TRPC6: variants seen among roughly 807,000 people sequenced by gnomAD.
TRPC6 encodes transient receptor potential cation channel subfamily C member 6.
A neutral mutation model predicts 90.7 loss-of-function variants in TRPC6; 55 were observed. The observed-to-expected ratio is 0.61, with a 90% CI of 0.49 to 0.76. The LOEUF (loss-of-function observed/expected upper bound fraction) is 0.76, where lower values mean the gene tolerates loss of function less well. Among genes scored for constraint, TRPC6 ranks in the 30% least tolerant of loss-of-function variants. The pLI is 0.00. For synonymous variants in TRPC6, 393 were observed against 393.0 expected (o/e 1.00, Z 0.00); for missense variants, 989 against 1,122.7 (o/e 0.88, Z 1.70).
chr11:101,545,648 A>C (rs1247710474), intron 1 of TRPC6, among the ~76,000 whole-genome samples: 2 of 152,238 alleles, frequency 1.3e-5, no homozygotes, highest in Non-Finnish European at 2.9e-5. Flanking sequence ...AAATAGTCAG[A>C]TAAAACACTC....
chr11:101,469,562 T>C (rs1859237822), intron 9 of TRPC6, 61 bp from the exon 10 acceptor site: 3 of 688,784 alleles, frequency 4.4e-6, no homozygotes, highest in Non-Finnish European at 5.3e-6. Flanking sequence ...CTTCATTCTG[T>C]ATTTTAAAAG....
At chr11:101,517,158 A>G (rs1860541582) in intron 1 of TRPC6, among the ~76,000 whole-genome samples, 1 of 152,208 alleles carries the variant, frequency 6.6e-6, no homozygotes, top group Non-Finnish European at 1.5e-5. Context: ...TCTACTTACA[A>G]TAGTATGTTC....
chr11:101,488,824 G>A, intron 4 of TRPC6, 113 bp downstream of exon 4: 1 of 1,166,890 alleles, frequency 8.6e-7, no homozygotes, highest in Non-Finnish European at 1.3e-6. Context: ...AAACAATAAA[G>A]ATTACTGAAA....
rs186981402 is a variant in TRPC6 at position 101,452,614 on chromosome 11, G to A, written c.*341C>T. ...CTTCAGAGGAAAAACCGCATGGGGA[G>A]TAACGTGGGTCAGCCCCTGTCCGCT... On this transcript the variant is annotated 3_prime_UTR_variant, in exon 13 of 13. Coordinates refer to ENST00000344327, the MANE Select transcript of TRPC6 (RefSeq NM_004621.6). 1 of 249,168 alleles carries A rather than the reference G, an allele frequency of 4.0e-6. No individual in the cohort carries two copies. Among genetic ancestry groups the A allele is most frequent in the Non-Finnish European group, 7.8e-6 (1 of 127,498 alleles). 15.4% of individuals were successfully genotyped at this position (249,168 alleles called of 1,614,324 possible). A position where few individuals can be genotyped will look rare whatever the true frequency, so the allele number is the denominator to read the frequency against.
chr11:101,541,455 G>A (rs924512933), intron 1 of TRPC6, among the ~76,000 whole-genome samples: 4 of 152,142 alleles, frequency 2.6e-5, no homozygotes, highest in African/African-American at 9.7e-5. Context: ...TCCACCTTTC[G>A]GTTTCAAGCG....
intron 2 of TRPC6, among the ~76,000 whole-genome samples, chr11:101,496,444 C>T (rs1397319420): frequency 6.6e-6 from 1 of 152,098 alleles, no homozygotes; most frequent in Non-Finnish European, 1.5e-5. Flanking sequence ...AAAGCATCTA[C>T]TATGTGGGGT....
chr11:101,535,298 T>G (rs922280946), intron 1 of TRPC6, among the ~76,000 whole-genome samples: 8 of 152,086 alleles, frequency 5.3e-5, no homozygotes, highest in Non-Finnish European at 1.2e-4. Context: ...AAAGTAAAGG[T>G]AAAAACTTTC....
intron 1 of TRPC6, among the ~76,000 whole-genome samples, chr11:101,560,538 G>T (rs529417180): frequency 2.0e-5 from 3 of 152,118 alleles, no homozygotes. Flanking sequence ...TAGATAATGT[G>T]TGTGACAAAC....
In TRPC6 at chr11:101,504,714, T is replaced by C. The variant is rs1484730459; in HGVS notation, c.255A>G (p.Ala85=). Residue 85 remains alanine (A), a synonymous_variant, in exon 2 of 13, where the codon GCA becomes GCG. Transcript: ENST00000344327. The part of the protein sequence containing the change: ...KGRRLANRGP[A]YMFSDRSTSL... ...TTGTGGAGCGATCACTAAACATGTA[T>C]GCTGGTCCTCGATTAGCTAACCTTC... The C allele has an allele frequency of 2.5e-6, 4 of 1,595,146 alleles. No homozygotes were observed. The Admixed American group carries it at 5.1e-5, about 21-fold the overall frequency.
At chr11:101,540,112 C>A (rs1218820145) in intron 1 of TRPC6, among the ~76,000 whole-genome samples, 1 of 152,176 alleles carries the variant, frequency 6.6e-6, no homozygotes, top group Non-Finnish European at 1.5e-5. Context: ...TAGCTGTGAA[C>A]AACACATATG....
At chr11:101,525,239 T>C (rs1860751505) in intron 1 of TRPC6, among the ~76,000 whole-genome samples, 2 of 152,218 alleles carry the variant, frequency 1.3e-5, no homozygotes, top group South Asian at 4.1e-4. Context: ...TCAAATGGAC[T>C]TTGGCTCGAA....
chr11:101,563,140 C>T (rs550815708), intron 1 of TRPC6, among the ~76,000 whole-genome samples: 215 of 152,232 alleles, frequency 1.4e-3, no homozygotes, highest in African/African-American at 4.8e-3. Context: ...AGCCATGTTT[C>T]GAGTGCTCAA....
intron 3 of TRPC6, chr11:101,491,327 G>A: frequency 2.5e-6 from 1 of 407,294 alleles, no homozygotes; most frequent in South Asian, 2.1e-5. Context: ...CCAGCTACTT[G>A]GGAGGCTGAG....
intron 1 of TRPC6, among the ~76,000 whole-genome samples, chr11:101,567,534 C>T (rs187292313): frequency 2.3e-4 from 35 of 152,340 alleles, no homozygotes; most frequent in Non-Finnish European, 2.9e-5. Flanking sequence ...AGACTATCTC[C>T]GCAAGTGGTT....
At chr11:101,524,668 C>T (rs1190247896) in intron 1 of TRPC6, among the ~76,000 whole-genome samples, 1 of 152,146 alleles carries the variant, frequency 6.6e-6, no homozygotes, top group Non-Finnish European at 1.5e-5. Flanking sequence ...GTCAATATTC[C>T]CCATTTATCA....
At chr11:101,564,898 G>A (rs1330272645) in intron 1 of TRPC6, among the ~76,000 whole-genome samples, 1 of 151,908 alleles carries the variant, frequency 6.6e-6, no homozygotes, top group African/African-American at 2.4e-5. Flanking sequence ...AGAACAGAGA[G>A]CCCATAAATA....
intron 1 of TRPC6, among the ~76,000 whole-genome samples, chr11:101,579,835 A>T (rs753690770): frequency 4.6e-5 from 7 of 152,140 alleles, no homozygotes; most frequent in Non-Finnish European, 7.3e-5. Context: ...CTCATCTGGC[A>T]CCAAGAGTTT....
At chr11:101,480,087 A>T (rs968246522) in intron 5 of TRPC6, among the ~76,000 whole-genome samples, 2 of 152,132 alleles carry the variant, frequency 1.3e-5, no homozygotes, top group African/African-American at 4.8e-5. Context: ...CTGAGGCAGG[A>T]AAATTGCTTG....
intron 2 of TRPC6, among the ~76,000 whole-genome samples, chr11:101,500,418 C>T (rs1860089155): frequency 6.6e-6 from 1 of 151,934 alleles, no homozygotes; most frequent in African/African-American, 2.4e-5. Context: ...CCATGTTGGT[C>T]AGACTGGTCT....
Sources: gnomAD v4.1 joint callset for allele counts (sites outside exome capture counted in the v4.1 genomes callset) on GRCh38, gnomAD v4.1.1 for gene constraint, MANE v1.5 for transcripts, NCBI Gene and HGNC (gene_info 2026-07-23, HGNC 2026-07-21) for gene names.